The following SCGB2B2 variants were observed in gnomAD, a reference collection of about 807,000 sequenced individuals.
The protein encoded by SCGB2B2 is secretoglobin family 2B member 2.
In SCGB2B2, 11 loss-of-function variants were observed where a neutral mutation model predicts 7.6. The observed-to-expected ratio is 1.45, with a 90% CI of 0.91 to 2.40. The LOEUF (loss-of-function observed/expected upper bound fraction) is 2.40, where lower values mean the gene tolerates loss of function less well. Ranked by LOEUF, SCGB2B2 falls within the 30% of genes most tolerant of loss-of-function variation. The pLI, the probability that SCGB2B2 is intolerant of heterozygous loss-of-function variation, is 0.00. For synonymous variants in SCGB2B2, 50 were observed against 48.6 expected, an observed-to-expected ratio of 1.03 and a Z score of -0.12; for missense variants, 104 against 115.4, an observed-to-expected ratio of 0.90 and a Z score of 0.45.
At chr19:34,669,774 G>A (rs1207226542) in intron 1 of SCGB2B2, among the ~76,000 whole-genome samples, 3 of 122,666 alleles carry the variant, frequency 2.4e-5, no homozygotes, top group Non-Finnish European at 5.2e-5. Context: ...CTAATTTATG[G>A]CAGTGACTGA....
chr19:34,668,224 C>T (rs1172723549), intron 1 of SCGB2B2, among the ~76,000 whole-genome samples: 2 of 152,112 alleles, frequency 1.3e-5, no homozygotes, highest in Non-Finnish European at 2.9e-5. Flanking sequence ...CGGGGCTGAG[C>T]GTGGCGCTTG....
intron 1 of SCGB2B2, among the ~76,000 whole-genome samples, chr19:34,617,745 G>A (rs990520574): frequency 1.3e-5 from 2 of 152,154 alleles, no homozygotes; most frequent in African/African-American, 4.8e-5. Context: ...GGTGAGAGAG[G>A]ACATCCCTGT....
At chr19:34,599,316 C>G (rs2065551233) in intron 1 of SCGB2B2, among the ~76,000 whole-genome samples, 1 of 152,214 alleles carries the variant, frequency 6.6e-6, no homozygotes, top group African/African-American at 2.4e-5. Context: ...GTGCAGCTCG[C>G]CCTTTCTCCT....
intron 1 of SCGB2B2, among the ~76,000 whole-genome samples, chr19:34,600,919 GT>G (rs2065605581): frequency 6.0e-5 from 1 of 16,650 alleles, no homozygotes; most frequent in African/African-American, 2.0e-3. Context: ...TCGGGGTGTG[GT>G]GTGTGTGTGT....
intron 1 of SCGB2B2, among the ~76,000 whole-genome samples, chr19:34,599,753 C>G (rs532382166): frequency 3.9e-5 from 6 of 152,210 alleles, no homozygotes; most frequent in South Asian, 2.1e-4. Context: ...CCTGTTCTCT[C>G]CCTCTTCCCC....
At position 34,594,959 on chromosome 19, in the gene SCGB2B2, A is replaced by C; in HGVS notation, c.-396T>G. 4.2e-6 allele frequency: 1 copy of C among 240,780 alleles called. No individual in the cohort carries two copies. The allele number at this position is 240,780 out of a possible 1,614,324, so 14.9% of individuals were successfully genotyped here. A position where few individuals can be genotyped will look rare whatever the true frequency, so the allele number is the denominator to read the frequency against. On this transcript the variant is annotated 5_prime_UTR_variant, in exon 2 of 4. Transcript: ENST00000601241. ...TGCACTTGGCACGCCCTAGCACAGA[A>C]TCTGCCACTGAGTGCTGGCTCAACA...
Position 34,593,696 on chromosome 19 carries a change from T to C in SCGB2B2, c.247-97A>G, listed in dbSNP as rs957908171. The C allele has an allele frequency of 1.7e-5, 16 of 952,068 alleles. No individual in the cohort carries two copies. The African/African-American group carries it at 2.3e-4, about 14-fold the overall frequency. The allele number at this position is 952,068 out of a possible 1,614,324, so 59.0% of individuals were successfully genotyped here. A position where few individuals can be genotyped will look rare whatever the true frequency, so the allele number is the denominator to read the frequency against. On this transcript the variant is annotated intron_variant, in intron 3 of 3. Transcript: ENST00000601241. ...CGGTCCCCGAGCTCAGAGGAGCTCC[T>C]TGAGTGTGTCTGCTTGTTGGGGATC... is the stretch of plus-strand genomic sequence containing the variant.
chr19:34,606,700 T>C (rs1337925442), intron 1 of SCGB2B2, among the ~76,000 whole-genome samples: 1 of 152,130 alleles, frequency 6.6e-6, no homozygotes, highest in Non-Finnish European at 1.5e-5. Flanking sequence ...TGACCAGATT[T>C]ATATAACTTT....
chr19:34,657,820 T>G (rs2067323147), intron 1 of SCGB2B2, among the ~76,000 whole-genome samples: 1 of 152,204 alleles, frequency 6.6e-6, no homozygotes, highest in South Asian at 2.1e-4. Flanking sequence ...ATCGCACTTA[T>G]TCTAAAATTG....
At chr19:34,645,682 C>T (rs1185942483) in intron 1 of SCGB2B2, 3 of 420,640 alleles carry the variant, frequency 7.1e-6, no homozygotes, top group African/African-American at 2.1e-5. Flanking sequence ...CACCCACCGC[C>T]TGTGCTCTTC....
intron 1 of SCGB2B2, chr19:34,645,949 T>A: frequency 3.4e-6 from 1 of 290,704 alleles, no homozygotes; most frequent in East Asian, 1.1e-4. Flanking sequence ...CCAGAGGACC[T>A]GAAGCGGGAG....
chr19:34,671,268 C>T (rs757465310), intron 1 of SCGB2B2, among the ~76,000 whole-genome samples: 2 of 152,204 alleles, frequency 1.3e-5, no homozygotes, highest in Admixed American at 6.5e-5. Flanking sequence ...GTTGAAAACA[C>T]GATCTTCAGT....
chr19:34,660,304 A>G (rs1343813840), intron 1 of SCGB2B2, among the ~76,000 whole-genome samples: 3 of 152,254 alleles, frequency 2.0e-5, no homozygotes, highest in African/African-American at 4.8e-5. Flanking sequence ...TGAACTAAAG[A>G]GCTTCTGCAC....
At chr19:34,603,508 G>C (rs139482376) in intron 1 of SCGB2B2, among the ~76,000 whole-genome samples, 423 of 152,150 alleles carry the variant, frequency 2.8e-3, no homozygotes, top group African/African-American at 9.5e-3. Context: ...AATCCCCCAA[G>C]CAAAGCTTTC....
downstream of SCGB2B2, among the ~76,000 whole-genome samples, chr19:34,588,478 C>T (rs2065228434): frequency 6.6e-6 from 1 of 152,168 alleles, no homozygotes; most frequent in Admixed American, 6.5e-5. Context: ...GGCCGAGTGG[C>T]ACCAGGAAAT....
At chr19:34,634,350 G>A (rs2145965572) in intron 1 of SCGB2B2, among the ~76,000 whole-genome samples, 1 of 152,208 alleles carries the variant, frequency 6.6e-6, no homozygotes, top group South Asian at 2.1e-4. Flanking sequence ...GTAACCTAAG[G>A]TACACTTGCC....
rs979451270 is a variant in SCGB2B2 at position 34,591,150 on chromosome 19, C to T, written c.*2405G>A. Among the ~76,000 whole-genome samples the T allele has an allele frequency of 1.3e-5, 2 of 152,182 alleles. No homozygotes were observed. On this transcript the variant is annotated 3_prime_UTR_variant, in exon 4 of 4. Transcript: ENST00000601241. ...CTAGAGCGTCTCACACCCCCTGTGTCCCGTCCTCCTGGATAGCTAATGGAT... is the reference window on the plus strand; with the variant it reads ...CTAGAGCGTCTCACACCCCCTGTGTTCCGTCCTCCTGGATAGCTAATGGAT...
At position 34,608,283 on chromosome 19, in the gene SCGB2B2, C is replaced by T. The variant is rs1268801849; in HGVS notation, c.-2031-11689G>A. Among the ~76,000 whole-genome samples the T allele has an allele frequency of 3.9e-4, 59 of 151,860 alleles. 2 individuals are homozygous for T. Among genetic ancestry groups the T allele is most frequent in the Admixed American group, 3.8e-3 (58 of 15,204 alleles). ...GTTCATTATCAATGTATATAAATGT[C>T]TCCAACTTTTGTATGTATATTTTGT... On this transcript the variant is annotated intron_variant, in intron 1 of 3. Transcript: ENST00000601241.
intron 1 of SCGB2B2, among the ~76,000 whole-genome samples, chr19:34,602,709 T>C (rs2065663346): frequency 6.6e-6 from 1 of 152,220 alleles, no homozygotes; most frequent in Non-Finnish European, 1.5e-5. Context: ...GCTTGACCTT[T>C]CCTGCAGTTA....
Sources: gnomAD v4.1 joint callset for allele counts (sites outside exome capture counted in the v4.1 genomes callset) on GRCh38, gnomAD v4.1.1 for gene constraint, MANE v1.5 for transcripts, NCBI Gene and HGNC (gene_info 2026-07-23, HGNC 2026-07-21) for gene names.